Variants in CHST9 observed in about 807,000 individuals in gnomAD.
The protein encoded by CHST9 is carbohydrate sulfotransferase 9.
CHST9 carries 41 observed loss-of-function variants against 44.4 expected under a neutral mutation model. The ratio of observed to expected loss-of-function variants is 0.92; its 90% confidence interval spans 0.72 to 1.20. The LOEUF is 1.20. Among genes scored for constraint, CHST9 ranks in the 50% most tolerant of loss-of-function variants. CHST9 has a pLI of 0.00. For missense variants in CHST9, 504 were observed against 516.5 expected, an observed-to-expected ratio of 0.98 and a Z score of 0.23; for synonymous variants, 171 against 178.4, an observed-to-expected ratio of 0.96 and a Z score of 0.33.
intron 2 of CHST9, among the ~76,000 whole-genome samples, chr18:27,118,943 AATTG>A (rs1429349656): frequency 1.3e-5 from 2 of 152,362 alleles, no homozygotes; most frequent in Non-Finnish European, 1.5e-5. Flanking sequence ...CCATTAATAA[AATTG>A]ATTAACAGTT....
chr18:27,047,231 G>C (rs943270852), intron 3 of CHST9, among the ~76,000 whole-genome samples: 1 of 151,974 alleles, frequency 6.6e-6, no homozygotes, highest in African/African-American at 2.4e-5. Flanking sequence ...CTTCCAAACT[G>C]TGCATTTTCT....
intron 4 of CHST9, among the ~76,000 whole-genome samples, chr18:26,950,216 C>T (rs1043430838): frequency 6.6e-6 from 1 of 152,122 alleles, no homozygotes; most frequent in Non-Finnish European, 1.5e-5. Flanking sequence ...GGCGACATAC[C>T]TCACAGACAT....
chr18:27,016,241 G>A (rs2057152683), intron 4 of CHST9, among the ~76,000 whole-genome samples: 1 of 152,174 alleles, frequency 6.6e-6, no homozygotes, highest in Non-Finnish European at 1.5e-5. Flanking sequence ...TATCACCCCT[G>A]AGCATAACCA....
At chr18:27,121,384 C>G (rs1021795357) in intron 2 of CHST9, among the ~76,000 whole-genome samples, 3 of 152,056 alleles carry the variant, frequency 2.0e-5, no homozygotes, top group Admixed American at 2.0e-4. Flanking sequence ...CCCTACTCCC[C>G]CTCCCTGTTG....
intron 2 of CHST9, among the ~76,000 whole-genome samples, chr18:27,137,393 G>A (rs893290068): frequency 1.3e-5 from 2 of 151,278 alleles, no homozygotes; most frequent in African/African-American, 4.9e-5. Flanking sequence ...CTGATTGACT[G>A]TGGGGGTGAT....
intron 2 of CHST9, among the ~76,000 whole-genome samples, chr18:27,141,591 C>CAAAAAAAAAA (rs34920055): frequency 2.2e-4 from 11 of 50,098 alleles, no homozygotes; most frequent in African/African-American, 9.7e-4. Context: ...AATCCCGACT[C>CAAAAAAAAAA]AAAAAAAAAA....
At chr18:27,178,901 T>C (rs2058888860) in intron 1 of CHST9, among the ~76,000 whole-genome samples, 2 of 152,074 alleles carry the variant, frequency 1.3e-5, no homozygotes, top group Non-Finnish European at 2.9e-5. Context: ...AATTCCAGTA[T>C]TGGACTAGTG....
At chr18:27,154,624 T>G (rs1367701069) in intron 1 of CHST9, among the ~76,000 whole-genome samples, 1 of 152,168 alleles carries the variant, frequency 6.6e-6, no homozygotes, top group African/African-American at 2.4e-5. Context: ...TACTAGATTA[T>G]AGTCCAATAT....
At chr18:26,987,924 T>C (rs999199146) in intron 4 of CHST9, among the ~76,000 whole-genome samples, 6 of 152,164 alleles carry the variant, frequency 3.9e-5, no homozygotes, top group Admixed American at 1.3e-4. Context: ...CCTCTAGAAC[T>C]GTGAGAAATA....
In CHST9 at chr18:26,915,310, G is replaced by A. The variant is rs1481460892; in HGVS notation, c.*949C>T. Reference sequence around the variant, plus strand: ...ACTGAAAACAAAAGCTATTCTTAGGGTGTATTCCACATATAAAGCTATGCA... The same window carrying A: ...ACTGAAAACAAAAGCTATTCTTAGGATGTATTCCACATATAAAGCTATGCA... On this transcript the variant is annotated 3_prime_UTR_variant, in exon 6 of 6. Coordinates refer to ENST00000618847, the MANE Select transcript of CHST9 (RefSeq NM_031422.6). The A allele has an allele frequency of 2.1e-5, 5 of 232,922 alleles. No homozygotes were observed. In the South Asian group the frequency reaches 5.4e-4, roughly 25 times the overall value. 14.4% of individuals were successfully genotyped at this position (232,922 alleles called of 1,614,324 possible). A position where few individuals can be genotyped will look rare whatever the true frequency, so the allele number is the denominator to read the frequency against.
intron 2 of CHST9, among the ~76,000 whole-genome samples, chr18:27,104,843 G>A (rs2058206851): frequency 1.3e-5 from 2 of 151,568 alleles, no homozygotes; most frequent in South Asian, 4.2e-4. Context: ...TTGAATACTT[G>A]AAAAAAAATG....
At chr18:26,948,538 T>C (rs1262760886) in intron 4 of CHST9, among the ~76,000 whole-genome samples, 3 of 152,168 alleles carry the variant, frequency 2.0e-5, no homozygotes, top group African/African-American at 7.2e-5. Context: ...AAGAGAAATC[T>C]GCAGAAATTG....
chr18:27,119,604 A>T (rs913332588), intron 2 of CHST9, among the ~76,000 whole-genome samples: 4 of 149,078 alleles, frequency 2.7e-5, no homozygotes, highest in African/African-American at 9.8e-5. Flanking sequence ...TTATGTCTAT[A>T]CTTAGGTTGC....
chr18:27,096,427 A>G (rs2058117448), intron 2 of CHST9, among the ~76,000 whole-genome samples: 1 of 151,990 alleles, frequency 6.6e-6, no homozygotes, highest in African/African-American at 2.4e-5. Flanking sequence ...AAGAAATACT[A>G]AAATTGGAGT....
intron 2 of CHST9, among the ~76,000 whole-genome samples, chr18:27,073,665 C>A (rs2057867335): frequency 6.6e-6 from 1 of 151,946 alleles, no homozygotes. Flanking sequence ...GTCAAGGTCG[C>A]CATTCCATGA....
chr18:27,008,820 T>C (rs61998173), intron 4 of CHST9, among the ~76,000 whole-genome samples: 15,691 of 152,100 alleles, frequency 0.1, 1,639 homozygotes, highest in African/African-American at 0.27. Flanking sequence ...TCCATTCTTC[T>C]GCCATCATCA....
chr18:27,068,945 T>A (rs2057811051), intron 2 of CHST9, among the ~76,000 whole-genome samples: 1 of 152,212 alleles, frequency 6.6e-6, no homozygotes, highest in Admixed American at 6.5e-5. Context: ...GGTTTTCTAT[T>A]GTTGTTTTAT....
intron 2 of CHST9, among the ~76,000 whole-genome samples, chr18:27,070,691 C>CT (rs5823535): frequency 3.4e-4 from 51 of 152,044 alleles, no homozygotes; most frequent in African/African-American, 1.2e-3. Flanking sequence ...ATGTCACCCC[C>CT]GTTAGAGGTA....
chr18:26,992,373 GACTGTCTCTTATTTACC>G (rs1370990568), intron 4 of CHST9, among the ~76,000 whole-genome samples: 1 of 151,762 alleles, frequency 6.6e-6, no homozygotes, highest in Non-Finnish European at 1.5e-5. Flanking sequence ...GGTGGGGATT[GACTGTCTCTTATTTACC>G]ACTGAAGCTC....
Sources: allele counts gnomAD v4.1 joint callset (sites outside exome capture counted in the v4.1 genomes callset), GRCh38; gene constraint gnomAD v4.1.1; transcripts MANE v1.5; gene names NCBI Gene and HGNC (gene_info 2026-07-23, HGNC 2026-07-21).